CLSTN2: variants seen among roughly 807,000 people sequenced by gnomAD.
CLSTN2 encodes calsyntenin 2, also known as calsyntenin-2.
CLSTN2 carries 48 observed loss-of-function variants against 101.2 expected under a neutral mutation model. The observed-to-expected ratio is 0.47, with a 90% CI of 0.38 to 0.60. The LOEUF is 0.60. Ranked by LOEUF, CLSTN2 falls within the 20% of genes least tolerant of loss-of-function variation. The pLI is 0.00. For synonymous variants in CLSTN2, 481 were observed against 463.6 expected (o/e 1.04, Z -0.48); for missense variants, 1,160 against 1,238.2 (o/e 0.94, Z 0.95).
At chr3:140,089,646 C>T (rs757003276) in intron 1 of CLSTN2, among the ~76,000 whole-genome samples, 2 of 150,862 alleles carry the variant, frequency 1.3e-5, no homozygotes, top group Non-Finnish European at 2.9e-5. Context: ...GGGTCTTGCT[C>T]CCATTGTCCA....
intron 1 of CLSTN2, among the ~76,000 whole-genome samples, chr3:140,123,487 T>G (rs1339054006): frequency 6.6e-6 from 1 of 152,156 alleles, no homozygotes; most frequent in Non-Finnish European, 1.5e-5. Context: ...TGCCTCTGCA[T>G]GCCAAGCACT....
At position 140,572,222 on chromosome 3, in the gene CLSTN2, G is replaced by C. The variant is rs1985578718; in HGVS notation, c.*5969G>C. 6.6e-6 allele frequency: 1 copy of C among 152,194 alleles called. No individual in the cohort carries two copies. The highest frequency in any genetic ancestry group is 1.5e-5 in the Non-Finnish European group (1 of 68,056). 9.4% of individuals were successfully genotyped at this position (152,194 alleles called of 1,614,324 possible). On this transcript the variant is annotated 3_prime_UTR_variant, in exon 17 of 17. Transcript: ENST00000458420. ...TGACAGGTGTAATTCTAGGGGCCCT[G>C]ATATGCATCACTGAGGCAGACTGAG...
intron 9 of CLSTN2, among the ~76,000 whole-genome samples, chr3:140,534,609 A>G (rs569437984): frequency 4.6e-5 from 7 of 152,330 alleles, no homozygotes; most frequent in Non-Finnish European, 8.8e-5. Flanking sequence ...CAGAGCAGCC[A>G]CATTGCATGG....
chr3:140,567,220 G>A lies in CLSTN2; in HGVS notation c.*967G>A, dbSNP rs1453255742. 6.6e-6 allele frequency: 1 copy of A among 152,264 alleles called. No individual in the cohort carries two copies. Among genetic ancestry groups the A allele is most frequent in the Non-Finnish European group, 1.5e-5 (1 of 68,104 alleles). The allele number at this position is 152,264 out of a possible 1,614,324, so 9.4% of individuals were successfully genotyped here. On this transcript the variant is annotated 3_prime_UTR_variant, in exon 17 of 17. Transcript: ENST00000458420. Reference sequence around the variant, plus strand: ...ATGGTGGGTGGAGTGGGGGTGGCTGGGCTCCCCCAGGACAGAGGGGACCCT... The same window carrying A: ...ATGGTGGGTGGAGTGGGGGTGGCTGAGCTCCCCCAGGACAGAGGGGACCCT...
At chr3:140,402,185 T>A (rs2088250236) in intron 2 of CLSTN2, among the ~76,000 whole-genome samples, 1 of 152,232 alleles carries the variant, frequency 6.6e-6, no homozygotes, top group Non-Finnish European at 1.5e-5. Context: ...GATTCCTATA[T>A]GTAAATCAGA....
rs138137459 is a variant in CLSTN2 at position 140,498,501 on chromosome 3, G to A, written c.1344+31770G>A. 9.2e-5 allele frequency among the ~76,000 whole-genome samples: 14 copies of A among 152,254 alleles called. No homozygotes were observed. The East Asian group carries it at 1.5e-3, about 17-fold the overall frequency. On this transcript the variant is annotated intron_variant, in intron 8 of 16. Coordinates refer to ENST00000458420, the MANE Select transcript of CLSTN2 (RefSeq NM_022131.3). ...GCCCCAGATGGTGCCGAGCTCAGAG[G>A]GGAGCCCAGAGACATGTATGATACA... is the stretch of plus-strand genomic sequence containing the variant.
intron 1 of CLSTN2, among the ~76,000 whole-genome samples, chr3:140,009,952 C>T (rs1019955156): frequency 6.6e-6 from 1 of 152,116 alleles, no homozygotes; most frequent in Non-Finnish European, 1.5e-5. Flanking sequence ...ATTTGATTGT[C>T]CTTCAGTTTC....
At chr3:140,527,629 G>A (rs1449316436) in intron 8 of CLSTN2, among the ~76,000 whole-genome samples, 6 of 152,092 alleles carry the variant, frequency 3.9e-5, no homozygotes, top group Non-Finnish European at 7.4e-5. Context: ...TATGTTCATC[G>A]CAGCACTGTT....
chr3:140,287,885 G>A (rs560535992), intron 2 of CLSTN2, among the ~76,000 whole-genome samples: 1 of 152,242 alleles, frequency 6.6e-6, no homozygotes, highest in African/African-American at 2.4e-5. Context: ...CTATCTGAAA[G>A]CATGCCCCAG....
intron 8 of CLSTN2, among the ~76,000 whole-genome samples, chr3:140,488,869 C>A (rs577750415): frequency 6.6e-6 from 1 of 152,026 alleles, no homozygotes; most frequent in African/African-American, 2.4e-5. Context: ...AAGCCTAGAT[C>A]TGATTGGCTA....
chr3:140,026,271 G>A (rs992384110), intron 1 of CLSTN2, among the ~76,000 whole-genome samples: 2 of 152,308 alleles, frequency 1.3e-5, no homozygotes, highest in Admixed American at 1.3e-4. Flanking sequence ...TGGGGGGAAA[G>A]TGCCGAGAGC....
intron 1 of CLSTN2, among the ~76,000 whole-genome samples, chr3:140,164,018 A>G (rs572629060): frequency 3.3e-4 from 50 of 152,134 alleles, no homozygotes; most frequent in African/African-American, 1.2e-3. Context: ...TGAAGTAATA[A>G]CAATCTTGGA....
rs201408350 is a variant in CLSTN2, at chr3:140,532,504, C to T, written c.1507+18C>T. ...TTGGCAAGGTAATCCTAAGTGAAAC[C>T]CTTTTCTCTGACCTGTTTGTGAATA... On this transcript the variant is annotated intron_variant, in intron 9 of 16. Coordinates refer to ENST00000458420, the MANE Select transcript of CLSTN2 (RefSeq NM_022131.3). 5 of 1,603,374 alleles carry T rather than the reference C, an allele frequency of 3.1e-6. No individual in the cohort carries two copies. Among genetic ancestry groups the T allele is most frequent in the Non-Finnish European group, 4.3e-6 (5 of 1,173,502 alleles).
intron 2 of CLSTN2, among the ~76,000 whole-genome samples, chr3:140,279,706 C>G (rs1421176087): frequency 6.6e-6 from 1 of 152,114 alleles, no homozygotes; most frequent in Non-Finnish European, 1.5e-5. Flanking sequence ...TCTCTGTGTC[C>G]CTGGCACCTG....
chr3:140,253,306 T>A (rs1272890868), intron 2 of CLSTN2, among the ~76,000 whole-genome samples: 1 of 152,158 alleles, frequency 6.6e-6, no homozygotes, highest in Non-Finnish European at 1.5e-5. Context: ...ACTGCCAGGT[T>A]CTTCCATGGC....
chr3:140,091,107 T>A (rs796803793), intron 1 of CLSTN2, among the ~76,000 whole-genome samples: 8 of 152,254 alleles, frequency 5.3e-5, no homozygotes, highest in African/African-American at 1.9e-4. Context: ...TTCTTTATTT[T>A]AAACGTGGGA....
intron 2 of CLSTN2, among the ~76,000 whole-genome samples, chr3:140,302,276 C>A (rs373395199): frequency 8.5e-5 from 13 of 152,110 alleles, no homozygotes; most frequent in African/African-American, 3.1e-4. Context: ...GTCAAAAGGG[C>A]TGTAATGCTG....
chr3:139,982,337 A>C (rs924082196), intron 1 of CLSTN2, among the ~76,000 whole-genome samples: 1 of 151,482 alleles, frequency 6.6e-6, no homozygotes, highest in Non-Finnish European at 1.5e-5. Context: ...TGTGAATGAT[A>C]GTATATTATA....
At chr3:140,464,221 T>C (rs1411567774) in intron 7 of CLSTN2, among the ~76,000 whole-genome samples, 1 of 152,106 alleles carries the variant, frequency 6.6e-6, no homozygotes, top group African/African-American at 2.4e-5. Flanking sequence ...GATGAAGACG[T>C]AGAACAAGAA....
Sources: gnomAD v4.1 joint callset for allele counts (sites outside exome capture counted in the v4.1 genomes callset) on GRCh38, gnomAD v4.1.1 for gene constraint, MANE v1.5 for transcripts, NCBI Gene and HGNC (gene_info 2026-07-23, HGNC 2026-07-21) for gene names.